PAG1: variants seen among roughly 807,000 people sequenced by gnomAD.
PAG1 encodes phosphoprotein associated with glycosphingolipid-enriched microdomains 1.
In PAG1, 23 loss-of-function variants were observed where a neutral mutation model predicts 31.7. That is an observed-to-expected ratio of 0.73 (90% CI 0.52 to 1.03). The LOEUF is 1.03. Among genes scored for constraint, PAG1 ranks in the 50% least tolerant of loss-of-function variants. The pLI, the probability that PAG1 is intolerant of heterozygous loss-of-function variation, is 0.00. For synonymous variants in PAG1, 214 were observed against 210.3 expected, an observed-to-expected ratio of 1.02 and a Z score of -0.15; for missense variants, 473 against 540.7, an observed-to-expected ratio of 0.87 and a Z score of 1.24.
chr8:80,994,695 G>A (rs901581213), intron 3 of PAG1, among the ~76,000 whole-genome samples: 2 of 152,142 alleles, frequency 1.3e-5, no homozygotes, highest in African/African-American at 2.4e-5. Flanking sequence ...CCAATACTTC[G>A]AAACAGAAAT....
At chr8:81,012,389 T>A (rs1043736735) in intron 3 of PAG1, among the ~76,000 whole-genome samples, 2 of 152,222 alleles carry the variant, frequency 1.3e-5, no homozygotes, top group African/African-American at 2.4e-5. Flanking sequence ...CCATTCAGTA[T>A]CTTCAGTATT....
chr8:81,060,251 A>C (rs1563646741), intron 2 of PAG1, among the ~76,000 whole-genome samples: 1 of 152,196 alleles, frequency 6.6e-6, no homozygotes, highest in Non-Finnish European at 1.5e-5. Context: ...TATAAAACTC[A>C]AAAGAGACAA....
intron 3 of PAG1, among the ~76,000 whole-genome samples, chr8:81,028,853 ACAGCCTACATTTCCCT>A (rs1215132590): frequency 6.6e-6 from 1 of 152,182 alleles, no homozygotes; most frequent in Non-Finnish European, 1.5e-5. Context: ...CCTCTAATGT[ACAGCCTACATTTCCCT>A]CACCCCAAGC....
intron 3 of PAG1, among the ~76,000 whole-genome samples, chr8:81,006,669 T>A (rs1807883132): frequency 1.4e-5 from 2 of 147,630 alleles, no homozygotes; most frequent in Non-Finnish European, 3.0e-5. Context: ...AGATTTTCCA[T>A]TTTTTTTTTC....
chr8:81,062,290 T>C (rs1199112507), intron 2 of PAG1, among the ~76,000 whole-genome samples: 1 of 152,280 alleles, frequency 6.6e-6, no homozygotes, highest in Non-Finnish European at 1.5e-5. Flanking sequence ...ACTAAACTCC[T>C]TGCATTCACA....
intron 2 of PAG1, among the ~76,000 whole-genome samples, chr8:81,045,198 AAT>A (rs1434038676): frequency 1.3e-5 from 2 of 152,218 alleles, no homozygotes; most frequent in African/African-American, 4.8e-5. Context: ...TGTCTCATGT[AAT>A]GAGGTAGAGT....
chr8:80,980,461 C>A lies in PAG1; in HGVS notation c.910G>T (p.Glu304Ter). 6.2e-7 allele frequency: 1 copy of A among 1,607,346 alleles called. No homozygotes were observed. Among genetic ancestry groups the A allele is most frequent in the Non-Finnish European group, 8.5e-7 (1 of 1,173,960 alleles). ...TCTTCTTCTGTGAGAGTGGGGTCTT[C>A]TTCCCGAGACTTGTATGACAATGAG... is the stretch of plus-strand genomic sequence containing the variant. ...FSSLSYKSRE[E>*]DPTLTEEEIS... The change falls in exon 8 of 9, where the codon GAA (glutamate) becomes TAA (stop). Residue 304 changes from glutamate to a stop codon, truncating the protein, a stop_gained. Coordinates refer to ENST00000220597, the MANE Select transcript of PAG1 (RefSeq NM_018440.4). LOFTEE classifies it low-confidence loss of function (END_TRUNC).
chr8:81,085,839 T>C (rs1809342248), intron 1 of PAG1, among the ~76,000 whole-genome samples: 1 of 152,238 alleles, frequency 6.6e-6, no homozygotes, highest in Non-Finnish European at 1.5e-5. Context: ...CTAAGTACAC[T>C]GTCAGTATTT....
chr8:80,997,759 C>T lies in PAG1; in HGVS notation c.-80-4452G>A, dbSNP rs1586154569. 4.1e-5 allele frequency among the ~76,000 whole-genome samples: 6 copies of T among 144,944 alleles called. No individual in the cohort carries two copies. In the South Asian group the frequency reaches 1.3e-3, roughly 32 times the overall value. ...TCACAGATTTAGATTAATAGTTGTA[C>T]ATTAATTCTGTTTGCTATAAAATAG... On this transcript the variant is annotated intron_variant, in intron 3 of 8. Coordinates refer to ENST00000220597, the MANE Select transcript of PAG1 (RefSeq NM_018440.4).
intron 2 of PAG1, among the ~76,000 whole-genome samples, chr8:81,067,059 G>A (rs1809020604): frequency 6.6e-6 from 1 of 152,182 alleles, no homozygotes; most frequent in Non-Finnish European, 1.5e-5. Context: ...CTACCTGGAA[G>A]GCTGAAGTAG....
Position 80,976,677 on chromosome 8 carries a change from G to A in PAG1, c.1166C>T (p.Ala389Val), listed in dbSNP as rs372766293. The A allele has an allele frequency of 8.7e-6, 14 of 1,614,010 alleles. No individual in the cohort carries two copies. Among genetic ancestry groups the A allele is most frequent in the Middle Eastern group, 1.6e-4 (1 of 6,082 alleles). ...PSEEPEPDYE[A>V]IQTLNREEEK... ...TTCCTCTCTGTTGAGAGTCTGTATCGCTTCATAATCAGGCTCTGGCTCCTC... is the reference window on the plus strand; with the variant it reads ...TTCCTCTCTGTTGAGAGTCTGTATCACTTCATAATCAGGCTCTGGCTCCTC... The change falls in exon 9 of 9, where the codon GCG becomes GTG. Residue 389 changes from alanine (A) to valine (V), a missense_variant. Ala to Val is a moderately conservative substitution (Grantham distance 64, BLOSUM62 0). Coordinates refer to ENST00000220597, the MANE Select transcript of PAG1 (RefSeq NM_018440.4).
At chr8:81,032,688 G>A (rs1808395885) in intron 2 of PAG1, among the ~76,000 whole-genome samples, 1 of 152,110 alleles carries the variant, frequency 6.6e-6, no homozygotes, top group South Asian at 2.1e-4. Context: ...TAAACAGAGA[G>A]TTACCATGTG....
intron 3 of PAG1, among the ~76,000 whole-genome samples, chr8:81,021,672 G>T (rs539179380): frequency 6.6e-6 from 1 of 151,634 alleles, no homozygotes; most frequent in Non-Finnish European, 1.5e-5. Context: ...TAAAAGAAAA[G>T]GGCAGATGTT....
intron 2 of PAG1, among the ~76,000 whole-genome samples, chr8:81,062,879 C>G (rs7812748): frequency 6.6e-6 from 1 of 152,150 alleles, no homozygotes; most frequent in East Asian, 1.9e-4. Flanking sequence ...TTAAATTTCA[C>G]TATGGCTGGT....
intron 3 of PAG1, among the ~76,000 whole-genome samples, chr8:81,011,970 T>C (rs1419770778): frequency 6.6e-6 from 1 of 152,190 alleles, no homozygotes; most frequent in African/African-American, 2.4e-5. Flanking sequence ...TCTGTTGAGG[T>C]TTCTTTAGAT....
intron 2 of PAG1, among the ~76,000 whole-genome samples, chr8:81,034,866 A>C (rs1188300347): frequency 6.6e-6 from 1 of 152,196 alleles, no homozygotes; most frequent in Non-Finnish European, 1.5e-5. Context: ...AAGAACACAA[A>C]GGCTGCCAGG....
intron 1 of PAG1, among the ~76,000 whole-genome samples, chr8:81,095,757 T>A (rs1355167074): frequency 6.6e-6 from 1 of 152,240 alleles, no homozygotes; most frequent in East Asian, 1.9e-4. Context: ...GTATGCTGCA[T>A]GCCCCCTTAA....
At chr8:80,978,688 G>A (rs1160745575) in intron 8 of PAG1, among the ~76,000 whole-genome samples, 1 of 152,110 alleles carries the variant, frequency 6.6e-6, no homozygotes, top group African/African-American at 2.4e-5. Context: ...ATTTAATATT[G>A]ACTCTGGGAA....
intron 1 of PAG1, among the ~76,000 whole-genome samples, chr8:81,093,987 G>C (rs1175277144): frequency 6.6e-6 from 1 of 152,152 alleles, no homozygotes; most frequent in East Asian, 1.9e-4. Flanking sequence ...GTTCATGCCA[G>C]AGACAGGCAG....
Sources: allele counts gnomAD v4.1 joint callset (sites outside exome capture counted in the v4.1 genomes callset), GRCh38; gene constraint gnomAD v4.1.1; transcripts MANE v1.5; gene names NCBI Gene and HGNC (gene_info 2026-07-23, HGNC 2026-07-21).